Variants in IL1RL1 observed in about 807,000 individuals in gnomAD.
The protein encoded by IL1RL1 is interleukin 1 receptor like 1.
IL1RL1 carries 32 observed loss-of-function variants against 50.9 expected under a neutral mutation model. That is an observed-to-expected ratio of 0.63 (90% CI 0.47 to 0.84). The LOEUF (loss-of-function observed/expected upper bound fraction) is 0.84. IL1RL1 is among the 40% of genes least tolerant of loss of function. The pLI is 0.00. For missense variants in IL1RL1, 773 were observed against 662.9 expected (o/e 1.17, Z -1.82); for synonymous variants, 275 against 236.0 (o/e 1.17, Z -1.51).
chr2:102,324,084 G>A (rs903469421), intron 1 of IL1RL1, among the ~76,000 whole-genome samples: 3 of 148,516 alleles, frequency 2.0e-5, no homozygotes, highest in African/African-American at 4.9e-5. Context: ...ATGTGCTGAC[G>A]GTCATTGGTC....
intron 1 of IL1RL1, among the ~76,000 whole-genome samples, chr2:102,319,150 A>G (rs1291982697): frequency 6.6e-6 from 1 of 152,162 alleles, no homozygotes; most frequent in African/African-American, 2.4e-5. Flanking sequence ...ACTTATTGCA[A>G]TGTGTTTGGC....
chr2:102,338,651 G>T (rs1239365872), intron 2 of IL1RL1, among the ~76,000 whole-genome samples, 186 bp from the exon 3 acceptor site: 4 of 152,100 alleles, frequency 2.6e-5, no homozygotes, highest in East Asian at 1.9e-4. Context: ...AACTGTGGGG[G>T]ATTTAGCTCC....
intron 1 of IL1RL1, among the ~76,000 whole-genome samples, chr2:102,329,624 A>G (rs1677116041): frequency 6.6e-6 from 1 of 152,188 alleles, no homozygotes; most frequent in South Asian, 2.1e-4. Context: ...TCTACAATTA[A>G]CTCAAACAAA....
At chr2:102,342,059 G>A (rs1210476931) in intron 5 of IL1RL1, among the ~76,000 whole-genome samples, 164 bp from the exon 6 acceptor site, 1 of 87,514 alleles carries the variant, frequency 1.1e-5, no homozygotes, top group Non-Finnish European at 2.9e-5. Context: ...GTGTGTGTGT[G>A]TGTGTGTGTG....
intron 1 of IL1RL1, among the ~76,000 whole-genome samples, chr2:102,324,412 C>T (rs1381244054): frequency 3.9e-5 from 6 of 152,328 alleles, no homozygotes; most frequent in African/African-American, 1.4e-4. Context: ...CAGTCTACAG[C>T]TCCCAGCGTG....
At chr2:102,346,544 C>T (rs139472565) in intron 8 of IL1RL1, among the ~76,000 whole-genome samples, 1 of 152,320 alleles carries the variant, frequency 6.6e-6, no homozygotes, top group African/African-American at 2.4e-5. Context: ...AAGCGTCCAG[C>T]CAATGGCATG....
chr2:102,348,600 G>A (rs1391721057), intron 9 of IL1RL1, among the ~76,000 whole-genome samples: 1 of 152,202 alleles, frequency 6.6e-6, no homozygotes, highest in African/African-American at 2.4e-5. Context: ...TACATTTGGA[G>A]GCAGATACAT....
chr2:102,340,334 C>A (rs1384679753), intron 4 of IL1RL1, 62 bp downstream of exon 4: 2 of 1,372,414 alleles, frequency 1.5e-6, no homozygotes, highest in Non-Finnish European at 2.0e-6. Flanking sequence ...CACAAGTGGC[C>A]GGGCACAGTG....
At chr2:102,351,266 C>A (rs1289918235) in intron 10 of IL1RL1, among the ~76,000 whole-genome samples, 1 of 152,136 alleles carries the variant, frequency 6.6e-6, no homozygotes, top group African/African-American at 2.4e-5. Flanking sequence ...TCTTTACATT[C>A]CCATTTACTT....
Position 102,335,382 on chromosome 2 carries a change from T to C in IL1RL1, c.-149-2734T>C, listed in dbSNP as rs532295747. Among the ~76,000 whole-genome samples, 231 of 115,392 alleles carry C rather than the reference T, an allele frequency of 2.0e-3. 3 individuals carry two copies. The highest frequency in any genetic ancestry group is 5.7e-3 in the Middle Eastern group (1 of 176). 75.7% of individuals were successfully genotyped at this position (115,392 alleles called of 152,430 possible). A position where few individuals can be genotyped will look rare whatever the true frequency, so the allele number is the denominator to read the frequency against. On this transcript the variant is annotated intron_variant, in intron 1 of 10. Transcript: ENST00000233954. Reference sequence around the variant, plus strand: ...GAATGTTCTCTTTTTTTAGTTGACATTGGGGGGAGAAAAGCTTGACTTTGA... The same window carrying C: ...GAATGTTCTCTTTTTTTAGTTGACACTGGGGGGAGAAAAGCTTGACTTTGA...
At chr2:102,317,597 A>G (rs1440914278) in intron 1 of IL1RL1, among the ~76,000 whole-genome samples, 3 of 152,146 alleles carry the variant, frequency 2.0e-5, no homozygotes, top group Non-Finnish European at 4.4e-5. Context: ...AACAAACTCA[A>G]TATGTCAATT....
chr2:102,331,624 G>A lies in IL1RL1; in HGVS notation c.-149-6492G>A, dbSNP rs532099533. Among the ~76,000 whole-genome samples, 38 of 152,278 alleles carry A rather than the reference G, an allele frequency of 2.5e-4. 1 individual carries two copies. The highest frequency in any genetic ancestry group is 4.1e-4 in the South Asian group (2 of 4,824). On this transcript the variant is annotated intron_variant, in intron 1 of 10. Transcript: ENST00000233954. Reference sequence around the variant, plus strand: ...AAGGGTGACTCAGGTCTCATCTTCCGATAAGATAAAAGAAATAAGACAGAT... The same window carrying A: ...AAGGGTGACTCAGGTCTCATCTTCCAATAAGATAAAAGAAATAAGACAGAT...
At chr2:102,325,088 G>A (rs1166795234) in intron 1 of IL1RL1, among the ~76,000 whole-genome samples, 7 of 152,132 alleles carry the variant, frequency 4.6e-5, no homozygotes, top group Non-Finnish European at 7.3e-5. Context: ...TAGCCTAACT[G>A]GGAGGCACCC....
chr2:102,329,278 C>A (rs1573140108), intron 1 of IL1RL1, among the ~76,000 whole-genome samples: 1 of 152,272 alleles, frequency 6.6e-6, no homozygotes, highest in Non-Finnish European at 1.5e-5. Flanking sequence ...GGATATCTGG[C>A]TAGCCATATG....
At chr2:102,339,100 G>T in intron 3 of IL1RL1, 53 bp downstream of exon 3, 1 of 1,307,018 alleles carries the variant, frequency 7.7e-7, no homozygotes, top group South Asian at 1.2e-5. Context: ...TTTCTTCAGT[G>T]GTTGATTGCC....
chr2:102,345,512 T>C (rs907193740), intron 8 of IL1RL1: 3 of 985,256 alleles, frequency 3.0e-6, no homozygotes, highest in Non-Finnish European at 3.6e-6. Flanking sequence ...TTCCCACCCA[T>C]GTGTGTGGTA....
At chr2:102,320,850 G>A (rs781498766) in intron 1 of IL1RL1, among the ~76,000 whole-genome samples, 2 of 152,292 alleles carry the variant, frequency 1.3e-5, no homozygotes, top group Non-Finnish European at 2.9e-5. Flanking sequence ...CCATTCTTAA[G>A]AGTGTTTTCA....
intron 1 of IL1RL1, among the ~76,000 whole-genome samples, chr2:102,332,337 A>G (rs1677198774): frequency 6.6e-6 from 1 of 152,206 alleles, no homozygotes; most frequent in Non-Finnish European, 1.5e-5. Flanking sequence ...TTGGTCAGGA[A>G]CTCAAACAAA....
In IL1RL1 at chr2:102,347,940, A is replaced by T. The variant is rs1449247201; in HGVS notation, c.971-5A>T. 8 of 1,462,270 alleles carry T rather than the reference A, an allele frequency of 5.5e-6. No individual in the cohort carries two copies. The highest frequency in any genetic ancestry group is 7.7e-6 in the Non-Finnish European group (8 of 1,044,986). 90.6% of individuals were successfully genotyped at this position (1,462,270 alleles called of 1,614,324 possible). On this transcript the variant is annotated splice_region_variant and splice_polypyrimidine_tract_variant and intron_variant, in intron 8 of 10. Transcript: ENST00000233954. ...AATAATAATCTTTTTCTTTCTTTTG[A>T]ATAGTTGATCATCATAGCATCTACT...
Sources: gnomAD v4.1 joint callset for allele counts (sites outside exome capture counted in the v4.1 genomes callset) on GRCh38, gnomAD v4.1.1 for gene constraint, MANE v1.5 for transcripts, NCBI Gene and HGNC (gene_info 2026-07-23, HGNC 2026-07-21) for gene names.